SBNO2: variants seen among roughly 807,000 people sequenced by gnomAD.
The protein encoded by SBNO2 is protein strawberry notch homolog 2.
SBNO2 carries 89 observed loss-of-function variants against 146.3 expected under a neutral mutation model. That is an observed-to-expected ratio of 0.61 (90% CI 0.51 to 0.73). SBNO2 has a LOEUF of 0.73. SBNO2 is among the 30% of genes least tolerant of loss of function. The pLI is 0.00. For synonymous variants in SBNO2, 1,147 were observed against 892.6 expected (o/e 1.29, Z -5.08); for missense variants, 2,092 against 2,003.7 (o/e 1.04, Z -0.84).
Position 1,158,090 on chromosome 19 carries a change from C to T in SBNO2, c.-126-3688G>A, listed in dbSNP as rs1434015929. ...CCGCCTCCCGCCTCTTTCTTCTGAG[C>T]CTGCTGAAGTCCCCGTCTTCCTGGC... On this transcript the variant is annotated intron_variant, in intron 1 of 31. Coordinates refer to ENST00000361757, the MANE Select transcript of SBNO2 (RefSeq NM_014963.3). This position sits in a 1 kb window ranked among gnomAD's most constrained non-coding sequence, Gnocchi z 9.9. Among the ~76,000 whole-genome samples, 1 of 152,002 alleles carries T rather than the reference C, an allele frequency of 6.6e-6. No homozygotes were observed. The highest frequency in any genetic ancestry group is 1.5e-5 in the Non-Finnish European group (1 of 67,930).
chr19:1,147,397 AAGG>A lies in SBNO2; in HGVS notation c.188_190del (p.Ser63del). The A allele has an allele frequency of 6.8e-7, 1 of 1,477,844 alleles. No individual in the cohort carries two copies. Among genetic ancestry groups the A allele is most frequent in the Non-Finnish European group, 8.9e-7 (1 of 1,118,096 alleles). The allele number at this position is 1,477,844 out of a possible 1,614,324, so 91.5% of individuals were successfully genotyped here. On this transcript the variant is annotated inframe_deletion, in exon 4 of 32. Transcript: ENST00000361757. ...GTCTGGGCAGGGCTGGCTGCCGAGG[AAGG>A]AGGCGGAGCTCATGAACGGGCTGGA...
intron 1 of SBNO2, among the ~76,000 whole-genome samples, chr19:1,170,918 C>CA (rs1272253347): frequency 3.5e-5 from 1 of 28,848 alleles, no homozygotes; most frequent in Non-Finnish European, 6.3e-5. Flanking sequence ...GGCACATGGG[C>CA]ACAGGCAACA....
At chr19:1,114,163 A>T in intron 18 of SBNO2, 68 bp downstream of exon 18, 1 of 1,323,778 alleles carries the variant, frequency 7.6e-7, no homozygotes, top group Admixed American at 3.4e-5. Flanking sequence ...CCTGACCCAG[A>T]GGTGGCTGCT....
Position 1,144,238 on chromosome 19 carries a change from C to T in SBNO2, c.279+3071G>A, listed in dbSNP as rs2080165545. Among the ~76,000 whole-genome samples, 1 of 151,710 alleles carries T rather than the reference C, an allele frequency of 6.6e-6. No homozygotes were observed. The highest frequency in any genetic ancestry group is 1.5e-5 in the Non-Finnish European group (1 of 67,884). ...CCCACAGGACTGAGCTGACCCACAC[C>T]CGTCCCATCCCACACTCAGCACTGG... On this transcript the variant is annotated intron_variant, in intron 4 of 31. Coordinates refer to ENST00000361757, the MANE Select transcript of SBNO2 (RefSeq NM_014963.3). This position sits in a 1 kb window ranked among gnomAD's most constrained non-coding sequence, Gnocchi z 4.1.
Position 1,108,828 on chromosome 19 carries a change from G to T in SBNO2, c.3567C>A (p.Ser1189Arg). 6.2e-7 allele frequency: 1 copy of T among 1,600,614 alleles called. No homozygotes were observed. Among genetic ancestry groups the T allele is most frequent in the Non-Finnish European group, 8.5e-7 (1 of 1,178,328 alleles). ...TCTTCAGCCGCACGATCTGCAGGTA[G>T]CTGCTGCTGCTGACGTCGGCCATGA... ...AAVMADVSSS[S>R]YLQIVRLKTK... Residue 1189 changes from serine to arginine, a missense_variant, in exon 31 of 32, where the codon AGC becomes AGA. Ser to Arg is a moderately radical substitution (Grantham distance 110, BLOSUM62 -1). Transcript: ENST00000361757.
At chr19:1,162,243 A>G (rs1438706178) in intron 1 of SBNO2, among the ~76,000 whole-genome samples, 2 of 820 alleles carry the variant, frequency 2.4e-3, no homozygotes, top group East Asian at 0.038. Context: ...GTGGATCACG[A>G]GGTCAGGAGA....
chr19:1,122,147 CG>C lies in SBNO2; in HGVS notation c.1140del (p.Phe380LeufsTer26). ...RQILDWCGEA[F>X]EGVIVFDECH... ...TGCCCCCAGCAGGATACGACGCCCT[CG>C]AAGGCCTCCCCACACCAGTCCAGGA... is the stretch of plus-strand genomic sequence containing the variant. On this transcript the variant is annotated frameshift_variant, in exon 11 of 32. Coordinates refer to ENST00000361757, the MANE Select transcript of SBNO2 (RefSeq NM_014963.3). LOFTEE classifies it high-confidence loss of function. 6.9e-7 allele frequency: 1 copy of C among 1,454,784 alleles called. No homozygotes were observed. 90.1% of individuals were successfully genotyped at this position (1,454,784 alleles called of 1,614,324 possible).
At position 1,123,645 on chromosome 19, in the gene SBNO2, T is replaced by C. The variant is rs1194625233; in HGVS notation, c.523-6A>G. Reference sequence around the variant, plus strand: ...TGGCTCTGCACACTCTGCTCCTGCGTGCGTGGCGGGAGCTCAGCGGAGACT... The same window carrying C: ...TGGCTCTGCACACTCTGCTCCTGCGCGCGTGGCGGGAGCTCAGCGGAGACT... On this transcript the variant is annotated splice_polypyrimidine_tract_variant and splice_region_variant and intron_variant, in intron 6 of 31. Coordinates refer to ENST00000361757, the MANE Select transcript of SBNO2 (RefSeq NM_014963.3). 6.2e-7 allele frequency: 1 copy of C among 1,608,832 alleles called. No individual in the cohort carries two copies. The highest frequency in any genetic ancestry group is 8.5e-7 in the Non-Finnish European group (1 of 1,177,852).
intron 2 of SBNO2, among the ~76,000 whole-genome samples, chr19:1,151,302 G>A (rs914398257): frequency 2.0e-5 from 3 of 152,234 alleles, no homozygotes; most frequent in African/African-American, 7.2e-5. Context: ...CAGGAAGGGG[G>A]CGGGGGGCTT....
Position 1,112,527 on chromosome 19 carries a change from A to G in SBNO2, c.2390T>C (p.Ile797Thr). ...RFMSGEKLVA[I>T]ISEASSSGVS... ...ACCCGAGCTGGAGGCCTCCGAGATG[A>G]TGGCCACGAGCTAGGGGGAAAGAAG... The change falls in exon 21 of 32, where the codon ATC (isoleucine) becomes ACC (threonine). Residue 797 changes from isoleucine to threonine, a missense_variant. Physicochemically the swap from Ile to Thr is moderately conservative, Grantham distance 89. Coordinates refer to ENST00000361757, the MANE Select transcript of SBNO2 (RefSeq NM_014963.3). This position sits in a 1 kb window ranked among gnomAD's most constrained non-coding sequence, Gnocchi z 5.9. 1 of 1,601,978 alleles carries G rather than the reference A, an allele frequency of 6.2e-7. No individual in the cohort carries two copies. Among genetic ancestry groups the G allele is most frequent in the Middle Eastern group, 1.9e-4 (1 of 5,222 alleles).
At position 1,113,348 on chromosome 19, in the gene SBNO2, C is replaced by T. The variant is rs565317479; in HGVS notation, c.2247+187G>A. Among the ~76,000 whole-genome samples, 13 of 152,240 alleles carry T rather than the reference C, an allele frequency of 8.5e-5. No individual in the cohort carries two copies. In the East Asian group the frequency reaches 1.9e-3, roughly 23 times the overall value. Reference sequence around the variant, plus strand: ...ATGGGGCAGGCCGTCCACAGGAGGTCGTGGCCTCCCGGGCCGAGCTGGACA... The same window carrying T: ...ATGGGGCAGGCCGTCCACAGGAGGTTGTGGCCTCCCGGGCCGAGCTGGACA... On this transcript the variant is annotated intron_variant, in intron 19 of 31. Transcript: ENST00000361757.
At position 1,114,250 on chromosome 19, in the gene SBNO2, C is replaced by T. The variant is rs1243002787; in HGVS notation, c.2058G>A (p.Gly686=). The change falls in exon 18 of 32, where the codon GGG becomes GGA. Residue 686 remains glycine (G), a synonymous_variant. Transcript: ENST00000361757. ...DDDVVIVDAV[G]LPSDDRGPLC... is the part of the protein sequence containing the mutation. ...CCTCACCCCGGTCGTCACTGGGGAG[C>T]CCGACTGCATCAACGATGACAACGT... The T allele has an allele frequency of 1.3e-6, 2 of 1,528,720 alleles. No individual in the cohort carries two copies. Among genetic ancestry groups the T allele is most frequent in the South Asian group, 1.2e-5 (1 of 81,730 alleles). The allele number at this position is 1,528,720 out of a possible 1,614,324, so 94.7% of individuals were successfully genotyped here.
chr19:1,143,612 C>A (rs1275086768), intron 4 of SBNO2, among the ~76,000 whole-genome samples: 2 of 152,226 alleles, frequency 1.3e-5, no homozygotes, highest in Non-Finnish European at 2.9e-5. Flanking sequence ...TCCTGCCTTT[C>A]CAGTGTCCAG....
Position 1,140,547 on chromosome 19 carries a change from C to T in SBNO2, c.279+6762G>A, listed in dbSNP as rs567381388. On this transcript the variant is annotated intron_variant, in intron 4 of 31. Coordinates refer to ENST00000361757, the MANE Select transcript of SBNO2 (RefSeq NM_014963.3). This position sits in a 1 kb window ranked among gnomAD's most constrained non-coding sequence, Gnocchi z 4.4. ...CACACACGTGACACCGCGGGAGCCC[C>T]GCAGCCCACGGTGGATGCCAGCAGC... 6.6e-6 allele frequency among the ~76,000 whole-genome samples: 1 copy of T among 152,150 alleles called. No homozygotes were observed. Among genetic ancestry groups the T allele is most frequent in the African/African-American group, 2.4e-5 (1 of 41,514 alleles).
At position 1,124,060 on chromosome 19, in the gene SBNO2, G is replaced by A. The variant is rs2079937196; in HGVS notation, c.442-38C>T. On this transcript the variant is annotated intron_variant, in intron 5 of 31. Transcript: ENST00000361757. Reference sequence around the variant, plus strand: ...CAGGATGTCAGCCCGGGCCAGACGGGACAGGTCACAGCTGGTGGGCCCTCG... The same window carrying A: ...CAGGATGTCAGCCCGGGCCAGACGGAACAGGTCACAGCTGGTGGGCCCTCG... 3.8e-6 allele frequency: 6 copies of A among 1,590,252 alleles called. No individual in the cohort carries two copies. In the East Asian group the frequency reaches 1.4e-4, roughly 36 times the overall value.
At position 1,114,220 on chromosome 19, in the gene SBNO2, C is replaced by A. The variant is rs1276356739; in HGVS notation, c.2077+11G>T. ...CCCACAGGTGGCTGGCCAGCCTGGG[C>A]AAGCCCTCACCCCGGTCGTCACTGG... On this transcript the variant is annotated intron_variant, in intron 18 of 31. Coordinates refer to ENST00000361757, the MANE Select transcript of SBNO2 (RefSeq NM_014963.3). 2.8e-6 allele frequency: 4 copies of A among 1,450,054 alleles called. No homozygotes were observed. Among genetic ancestry groups the A allele is most frequent in the East Asian group, 2.7e-5 (1 of 36,386 alleles). The allele number at this position is 1,450,054 out of a possible 1,614,324, so 89.8% of individuals were successfully genotyped here.
rs751149593 is a variant in SBNO2 at position 1,109,343 on chromosome 19, G to T, written c.3297C>A (p.Gly1099=). 15 of 1,593,922 alleles carry T rather than the reference G, an allele frequency of 9.4e-6. No homozygotes were observed. The highest frequency in any genetic ancestry group is 1.3e-5 in the Non-Finnish European group (15 of 1,171,370). Residue 1099 remains glycine, a synonymous_variant, in exon 29 of 32, where the codon GGC becomes GGA. Transcript: ENST00000361757. This position sits in a 1 kb window ranked among gnomAD's most constrained non-coding sequence, Gnocchi z 4.2. Reference sequence around the variant, plus strand: ...CCAGGGCCTCCAGCTGGCTCTGCCGGCCGATGTTGGGCTTGTACACCGTGA... The same window carrying T: ...CCAGGGCCTCCAGCTGGCTCTGCCGTCCGATGTTGGGCTTGTACACCGTGA... ...QFFTVYKPNI[G]RQSQLEALDS...
At chr19:1,117,216 A>G in intron 15 of SBNO2, 107 bp downstream of exon 15, 1 of 1,164,726 alleles carries the variant, frequency 8.6e-7, no homozygotes, top group East Asian at 2.6e-5. Context: ...ACCAGGGTGC[A>G]GCCCCCGCCC....
chr19:1,147,121 G>T (rs2080198005), intron 4 of SBNO2, among the ~76,000 whole-genome samples, 188 bp downstream of exon 4: 1 of 152,128 alleles, frequency 6.6e-6, no homozygotes, highest in Admixed American at 6.5e-5. Context: ...CCAGTCACTG[G>T]CTCTTCCCCA....
Sources: gnomAD v4.1 joint callset for allele counts (sites outside exome capture counted in the v4.1 genomes callset) on GRCh38, gnomAD v4.1.1 for gene constraint, Gnocchi (gnomAD v3.1) non-coding constraint, MANE v1.5 for transcripts, NCBI Gene and HGNC (gene_info 2026-07-23, HGNC 2026-07-21) for gene names.